The following CTSD variants were observed in gnomAD, a reference collection of about 807,000 sequenced individuals.
CTSD encodes cathepsin D.
CTSD carries 28 observed loss-of-function variants against 43.6 expected under a neutral mutation model. The ratio of observed to expected loss-of-function variants is 0.64; its 90% CI spans 0.48 to 0.88. CTSD has a LOEUF of 0.88. Among genes scored for constraint, CTSD ranks in the 40% least tolerant of loss-of-function variants. The probability of loss-of-function intolerance (pLI) is 0.00; values close to 1 mark genes in which losing one functional copy is unlikely to be tolerated. For missense variants in CTSD, 485 were observed against 555.2 expected (o/e 0.87, Z 1.27); for synonymous variants, 270 against 249.8 (o/e 1.08, Z -0.76).
intron 1 of CTSD, chr11:1,763,569 C>A (rs958243819): frequency 1.2e-5 from 6 of 517,450 alleles, no homozygotes; most frequent in Non-Finnish European, 2.0e-5. Flanking sequence ...GGGGGAGAGG[C>A]ATCTGGCGCC....
intron 1 of CTSD, chr11:1,761,701 G>A (rs556749187): frequency 1.7e-5 from 10 of 592,848 alleles, no homozygotes; most frequent in East Asian, 1.2e-4. Context: ...GTGGTCACCC[G>A]CCACCCACCT....
Position 1,755,013 on chromosome 11 carries a change from C to G in CTSD, c.720G>C (p.Gln240His). The G allele has an allele frequency of 6.2e-7, 1 of 1,613,870 alleles. No individual in the cohort carries two copies. The highest frequency in any genetic ancestry group is 8.5e-7 in the Non-Finnish European group (1 of 1,179,894). ...SFYLSRDPDA[Q>H]PGGELMLGGT... is the part of the protein sequence containing the mutation. ...CACCCAGCATCAGCTCACCCCCAGG[C>G]TGCGCATCTGGGTCCCTAGGAGGAA... The change falls in exon 6 of 9, where the codon CAG (glutamine) becomes CAC (histidine). Residue 240 changes from glutamine to histidine, a missense_variant. By Grantham distance (24) the Gln-to-His change is conservative (BLOSUM62 0). Transcript: ENST00000236671.
intron 4 of CTSD, 95 bp from the exon 5 acceptor site, chr11:1,757,651 C>G: frequency 9.8e-7 from 1 of 1,017,318 alleles, no homozygotes; most frequent in South Asian, 1.4e-5. Context: ...AATGGATGCC[C>G]ATCCCACACA....
Position 1,753,417 on chromosome 11 carries a change from T to G in CTSD, c.*86A>C. 1.3e-6 allele frequency: 2 copies of G among 1,487,098 alleles called. No individual in the cohort carries two copies. The highest frequency in any genetic ancestry group is 1.9e-6 in the Non-Finnish European group (2 of 1,067,784). 92.1% of individuals were successfully genotyped at this position (1,487,098 alleles called of 1,614,324 possible). ...GACAGTGGGCGGGCGAGTGTGTGGG[T>G]GTGTGTGGGAGGGGCCGCTGGGCCA... is the stretch of plus-strand genomic sequence containing the variant. On this transcript the variant is annotated 3_prime_UTR_variant, in exon 9 of 9. Transcript: ENST00000236671.
At chr11:1,759,163 A>G (rs1378786779) in intron 3 of CTSD, 76 bp from the exon 4 acceptor site, 15 of 1,175,682 alleles carry the variant, frequency 1.3e-5, no homozygotes, top group Admixed American at 1.7e-5. Flanking sequence ...ATCCCCCTAC[A>G]ATCTACCATG....
intron 6 of CTSD, among the ~76,000 whole-genome samples, chr11:1,754,500 G>GGGGATGGAGGGATGTGGGGATGGA (rs1845777138): frequency 8.3e-6 from 1 of 121,016 alleles, no homozygotes; most frequent in African/African-American, 3.4e-5. Context: ...AGAGGGATGT[G>GGGGATGGAGGGATGTGGGGATGGA]GGGATGGAGG....
Position 1,759,586 on chromosome 11 carries a change from G to C in CTSD, c.282C>G (p.Val94=). The part of the protein sequence containing the change: ...GIGTPPQCFT[V]VFDTGSSNLW... ...GGTTGGAGGAGCCCGTGTCGAAGACGACTGTGAAGCACTGGGGGGGCGTCC... is the reference window on the plus strand; with the variant it reads ...GGTTGGAGGAGCCCGTGTCGAAGACCACTGTGAAGCACTGGGGGGGCGTCC... Residue 94 remains valine (V), a synonymous_variant, in exon 3 of 9, where the codon GTC becomes GTG. Transcript: ENST00000236671. 1 of 1,613,570 alleles carries C rather than the reference G, an allele frequency of 6.2e-7. No individual in the cohort carries two copies. The highest frequency in any genetic ancestry group is 8.5e-7 in the Non-Finnish European group (1 of 1,179,970).
rs1487793548 is a variant in CTSD at position 1,754,746 on chromosome 11, AGGAGGGGCAT to A, written c.827+150_827+159del. Among the ~76,000 whole-genome samples, 19 of 147,876 alleles carry A rather than the reference AGGAGGGGCAT, an allele frequency of 1.3e-4. No homozygotes were observed. The East Asian group carries it at 1.5e-3, about 11-fold the overall frequency. ...AGGTGATGGGGAGCATGGAGGGGCA[AGGAGGGGCAT>A]GGAGGGCTGGTCTGACCCCATCTCT... is the stretch of plus-strand genomic sequence containing the variant. On this transcript the variant is annotated intron_variant, in intron 6 of 8. Coordinates refer to ENST00000236671, the MANE Select transcript of CTSD (RefSeq NM_001909.5).
intron 1 of CTSD, chr11:1,761,771 T>C (rs1845880987): frequency 4.2e-6 from 2 of 481,406 alleles, no homozygotes; most frequent in South Asian, 2.0e-5. Context: ...TCAGCCATTC[T>C]GGAGGCTCCA....
intron 5 of CTSD, among the ~76,000 whole-genome samples, chr11:1,756,546 T>C (rs1389839011): frequency 2.0e-5 from 3 of 152,156 alleles, no homozygotes; most frequent in Admixed American, 6.5e-5. Context: ...TGTGGGGCAG[T>C]GACCAGGCGC....
intron 1 of CTSD, among the ~76,000 whole-genome samples, chr11:1,762,770 G>A (rs572187816): frequency 6.6e-6 from 1 of 152,194 alleles, no homozygotes; most frequent in Non-Finnish European, 1.5e-5. Flanking sequence ...AGGCTGGCAA[G>A]GTCAAGGCAG....
In CTSD at chr11:1,761,347, C is replaced by T. The variant is rs539823013; in HGVS notation, c.190G>A (p.Glu64Lys). ...TTGAGCACCTCGGGAATGGGCCCCT[C>T]GGTCACGGCTGGCACCGCCTGGGAG... The part of the protein sequence containing the change: ...KYSQAVPAVT[E>K]GPIPEVLKNY... Residue 64 changes from glutamate to lysine, a missense_variant, in exon 2 of 9, where the codon GAG becomes AAG. Transcript: ENST00000236671. The T allele has an allele frequency of 1.4e-5, 23 of 1,613,858 alleles. No homozygotes were observed. Among genetic ancestry groups the T allele is most frequent in the South Asian group, 1.3e-4 (12 of 91,090 alleles).
chr11:1,763,825 C>A lies in CTSD; in HGVS notation c.35G>T (p.Cys12Phe). Residue 12 changes from cysteine to phenylalanine, a missense_variant, in exon 1 of 9, where the codon TGC becomes TTC. Transcript: ENST00000236671. ...QPSSLLPLAL[C>F]LLAAPASALV... ...CGCGGAGGCGGGTGCAGCCAGCAGG[C>A]AGAGGGCGAGCGGCAGAAGGCTGGA... is the stretch of plus-strand genomic sequence containing the variant. 1 of 1,528,254 alleles carries A rather than the reference C, an allele frequency of 6.5e-7. No individual in the cohort carries two copies. 94.7% of individuals were successfully genotyped at this position (1,528,254 alleles called of 1,614,324 possible).
At chr11:1,754,269 C>CG (rs1389474042) in intron 6 of CTSD, 131 bp from the exon 7 acceptor site, 1 of 1,057,386 alleles carries the variant, frequency 9.5e-7, no homozygotes, top group East Asian at 2.7e-5. Context: ...GAAGCACAGC[C>CG]GGCTGTAAGC....
At chr11:1,756,114 G>A (rs1845806317) in intron 5 of CTSD, among the ~76,000 whole-genome samples, 1 of 151,222 alleles carries the variant, frequency 6.6e-6, no homozygotes, top group Non-Finnish European at 1.5e-5. Flanking sequence ...CATACCGTGT[G>A]CCCCTCCCCC....
intron 1 of CTSD, 77 bp from the exon 2 acceptor site, chr11:1,761,545 C>G: frequency 1.3e-6 from 2 of 1,498,394 alleles, no homozygotes; most frequent in Non-Finnish European, 1.8e-6. Context: ...GCACATCCAC[C>G]TGGAGGCCCC....
At chr11:1,758,420 A>T (rs146025035) in intron 4 of CTSD, among the ~76,000 whole-genome samples, 3,237 of 152,202 alleles carry the variant, frequency 0.021, 51 homozygotes, top group South Asian at 0.051. Context: ...GACAAGGGCC[A>T]GCTCACCCTC....
chr11:1,753,823 G>A lies in CTSD; in HGVS notation c.1051C>T (p.Pro351Ser), dbSNP rs1423511593. ...CTCACCTTGAGCGTGTAGTCCTCTGGGGACAGCTTGTAGCCTTTGCCTCCC... is the reference window on the plus strand; with the variant it reads ...CTCACCTTGAGCGTGTAGTCCTCTGAGGACAGCTTGTAGCCTTTGCCTCCC... ...KLGGKGYKLSPEDYTLKVSQA... is the reference protein window; with the variant it reads ...KLGGKGYKLSSEDYTLKVSQA... Residue 351 changes from proline to serine, a missense_variant, in exon 8 of 9, where the codon CCA becomes TCA. By Grantham distance (74) the Pro-to-Ser change is moderately conservative. Transcript: ENST00000236671. The A allele has an allele frequency of 2.5e-6, 4 of 1,613,424 alleles. No individual in the cohort carries two copies. In the Admixed American group the frequency reaches 6.7e-5, roughly 27 times the overall value.
In CTSD at chr11:1,753,609, G is replaced by C; in HGVS notation, c.1133C>G (p.Pro378Arg). The C allele has an allele frequency of 6.2e-7, 1 of 1,613,008 alleles. No homozygotes were observed. The highest frequency in any genetic ancestry group is 1.1e-5 in the South Asian group (1 of 91,084). The change falls in exon 9 of 9, where the codon CCC (proline) becomes CGC (arginine). Residue 378 changes from proline (P) to arginine (R), a missense_variant. Pro to Arg is a moderately radical substitution (Grantham distance 103, BLOSUM62 -2). Coordinates refer to ENST00000236671, the MANE Select transcript of CTSD (RefSeq NM_001909.5). ...SGFMGMDIPP[P>R]SGPLWILGDV... ...GCCCAGGATCCAGAGTGGCCCGCTG[G>C]GTGGCGGGATGTCCATGCCCATGAA...
Sources: allele counts gnomAD v4.1 joint callset (sites outside exome capture counted in the v4.1 genomes callset), GRCh38; gene constraint gnomAD v4.1.1; transcripts MANE v1.5; gene names NCBI Gene and HGNC (gene_info 2026-07-23, HGNC 2026-07-21).